The following TELO2 variants were observed in gnomAD, a reference collection of about 807,000 sequenced individuals.
TELO2 encodes telomere length regulation protein TEL2 homolog.
In TELO2, 71 loss-of-function variants were observed where a neutral mutation model predicts 91.0. That is an observed-to-expected ratio of 0.78 (90% CI 0.64 to 0.95). The LOEUF is 0.95. TELO2 is among the 40% of genes least tolerant of loss of function. TELO2 has a pLI of 0.00. For synonymous variants in TELO2, 584 were observed against 518.9 expected (o/e 1.13, Z -1.71); for missense variants, 1,183 against 1,141.3 (o/e 1.04, Z -0.53).
Position 1,505,434 on chromosome 16 carries a change from C to T in TELO2, c.1867C>T (p.Leu623=), listed in dbSNP as rs1251374860. The change falls in exon 16 of 21, where the codon CTG becomes TTG. Residue 623 remains leucine, a synonymous_variant. Coordinates refer to ENST00000262319, the MANE Select transcript of TELO2 (RefSeq NM_016111.4). The surrounding 1 kb of genome is among the most constrained non-coding windows in gnomAD (Gnocchi z 4.3). ...GGTGCTGACTCTGGCTGCCCAGGAG[C>T]TGTCTAGGCCTGGGTGCCTCGGGAG... is the stretch of plus-strand genomic sequence containing the variant. ...LDVLTLAAQE[L]SRPGCLGRTP... 7 of 1,611,858 alleles carry T rather than the reference C, an allele frequency of 4.3e-6. No homozygotes were observed. Among genetic ancestry groups the T allele is most frequent in the South Asian group, 3.3e-5 (3 of 91,058 alleles).
chr16:1,507,170 C>A, intron 18 of TELO2, 119 bp downstream of exon 18: 1 of 1,479,648 alleles, frequency 6.8e-7, no homozygotes, highest in South Asian at 1.3e-5. Context: ...TGTGGGCCCC[C>A]GGGCAGCGGG....
intron 3 of TELO2, among the ~76,000 whole-genome samples, chr16:1,496,718 G>T (rs942005204): frequency 5.9e-5 from 9 of 152,228 alleles, no homozygotes; most frequent in Non-Finnish European, 1.2e-4. Context: ...ACCCTGCGTG[G>T]CTGACCCAAC....
intron 15 of TELO2, among the ~76,000 whole-genome samples, chr16:1,503,872 C>T (rs911208018): frequency 6.6e-6 from 1 of 152,178 alleles, no homozygotes; most frequent in Admixed American, 6.5e-5. Flanking sequence ...CGGCTCATGC[C>T]TGTCATCCCA....
intron 3 of TELO2, among the ~76,000 whole-genome samples, chr16:1,496,484 C>A (rs1472653504): frequency 6.6e-6 from 1 of 152,266 alleles, no homozygotes; most frequent in African/African-American, 2.4e-5. Flanking sequence ...ATCTCGGACA[C>A]ATGTGGAATG....
At position 1,506,796 on chromosome 16, in the gene TELO2, C is replaced by T. The variant is rs540787571; in HGVS notation, c.2127-156C>T. 153 of 1,417,280 alleles carry T rather than the reference C, an allele frequency of 1.1e-4. No homozygotes were observed. The African/African-American group carries it at 1.5e-3, about 14-fold the overall frequency. The allele number at this position is 1,417,280 out of a possible 1,614,324, so 87.8% of individuals were successfully genotyped here. A position where few individuals can be genotyped will look rare whatever the true frequency, so the allele number is the denominator to read the frequency against. On this transcript the variant is annotated intron_variant, in intron 17 of 20. Coordinates refer to ENST00000262319, the MANE Select transcript of TELO2 (RefSeq NM_016111.4). ...CAGCCCTGCAGGGGGAGTAGGCACC[C>T]GGAAATGTCTGCTCCTACGATCTCG...
At chr16:1,501,967 G>C in intron 11 of TELO2, 80 bp from the exon 12 acceptor site, 1 of 1,583,618 alleles carries the variant, frequency 6.3e-7, no homozygotes, top group Non-Finnish European at 8.7e-7. Flanking sequence ...ATCTTGGGGA[G>C]GAGAGAGGGG....
chr16:1,500,843 G>A lies in TELO2; in HGVS notation c.1281+144G>A, dbSNP rs956147690. The A allele has an allele frequency of 1.5e-5, 21 of 1,374,348 alleles. No individual in the cohort carries two copies. The East Asian group carries it at 5.0e-4, about 33-fold the overall frequency. 85.1% of individuals were successfully genotyped at this position (1,374,348 alleles called of 1,614,324 possible). ...TGGACTTCTCGCAGGGCTGAGGCTG[G>A]AAGCTGTGGCAGGTTCTCAGCCCTG... On this transcript the variant is annotated intron_variant, in intron 9 of 20. Transcript: ENST00000262319.
At chr16:1,495,221 T>G in intron 2 of TELO2, 125 bp from the exon 3 acceptor site, 1 of 1,336,124 alleles carries the variant, frequency 7.5e-7, no homozygotes, top group Non-Finnish European at 1.0e-6. Context: ...GCTTGTGGTT[T>G]TGGACTTCAC....
In TELO2 at chr16:1,494,461, G is replaced by T. The variant is rs773834635; in HGVS notation, c.180G>T (p.Ser60=). 5 of 1,613,216 alleles carry T rather than the reference G, an allele frequency of 3.1e-6. No homozygotes were observed. The highest frequency in any genetic ancestry group is 1.3e-5 in the African/African-American group (1 of 74,892). ...AGGAGTTTGCCTCGGCCCACTTCTC[G>T]CCTGTCCTCAGATGTCTTGCCAGCA... ...EKEEFASAHF[S]PVLRCLASRL... Residue 60 remains serine (S), a synonymous_variant, in exon 2 of 21, where the codon TCG becomes TCT. Coordinates refer to ENST00000262319, the MANE Select transcript of TELO2 (RefSeq NM_016111.4). This position sits in a 1 kb window ranked among gnomAD's most constrained non-coding sequence, Gnocchi z 5.6.
intron 5 of TELO2, 36 bp from the exon 6 acceptor site, chr16:1,499,195 C>T (rs778937429): frequency 7.7e-5 from 124 of 1,609,468 alleles, no homozygotes; most frequent in Admixed American, 3.2e-4. Flanking sequence ...GTCTCCAGGC[C>T]GGCTTGCAGC....
intron 12 of TELO2, 79 bp downstream of exon 12, chr16:1,502,214 C>T: frequency 6.3e-7 from 1 of 1,587,342 alleles, no homozygotes; most frequent in East Asian, 2.3e-5. Context: ...CAAGGGGCCA[C>T]CGGGAAGCCC....
intron 13 of TELO2, 100 bp from the exon 14 acceptor site, chr16:1,502,545 G>A: frequency 2.0e-6 from 3 of 1,516,816 alleles, no homozygotes; most frequent in Non-Finnish European, 2.7e-6. Flanking sequence ...GCGGCCTGGG[G>A]CCTCTGCTGG....
At chr16:1,509,690 C>G in intron 20 of TELO2, 140 bp from the exon 21 acceptor site, 1 of 726,154 alleles carries the variant, frequency 1.4e-6, no homozygotes, top group Non-Finnish European at 2.3e-6. Context: ...TGGGGAGAGT[C>G]CGGGGTCACT....
Position 1,500,167 on chromosome 16 carries a change from A to T in TELO2, c.1002+3A>T. 1.2e-6 allele frequency: 2 copies of T among 1,602,002 alleles called. No individual in the cohort carries two copies. Among genetic ancestry groups the T allele is most frequent in the Non-Finnish European group, 1.7e-6 (2 of 1,177,814 alleles). Reference sequence around the variant, plus strand: ...AGCGGCGCCCGCTCCTGCTGCAGGTACGTGCCTCCTGGCTCTCCGTCCCTG... The same window carrying T: ...AGCGGCGCCCGCTCCTGCTGCAGGTTCGTGCCTCCTGGCTCTCCGTCCCTG... On this transcript the variant is annotated splice_donor_region_variant and intron_variant, in intron 7 of 20. Coordinates refer to ENST00000262319, the MANE Select transcript of TELO2 (RefSeq NM_016111.4).
rs1000772014 is a variant in TELO2, at chr16:1,498,696, A to T, written c.831-535A>T. On this transcript the variant is annotated intron_variant, in intron 5 of 20. Coordinates refer to ENST00000262319, the MANE Select transcript of TELO2 (RefSeq NM_016111.4). ...GTGATCCTCCTGCCTTGGCCTCCCA[A>T]ATGTTTTTTTAACCGTTATTTCTTT... Among the ~76,000 whole-genome samples the T allele has an allele frequency of 1.2e-4, 18 of 148,748 alleles. 1 individual carries two copies. In the Admixed American group the frequency reaches 1.2e-3, roughly 10 times the overall value.
In TELO2 at chr16:1,494,365, C is replaced by G; in HGVS notation, c.84C>G (p.Ile28Met). The part of the protein sequence containing the change: ...ALSSSEDGGH[I>M]FCTLESLKRY... ...CGTCTTCGGAGGATGGCGGCCACATCTTCTGCACCCTGGAGTCCCTGAAGC... is the reference window on the plus strand; with the variant it reads ...CGTCTTCGGAGGATGGCGGCCACATGTTCTGCACCCTGGAGTCCCTGAAGC... The change falls in exon 2 of 21, where the codon ATC (isoleucine) becomes ATG (methionine). Residue 28 changes from isoleucine to methionine, a missense_variant. Transcript: ENST00000262319. The surrounding 1 kb of genome is among the most constrained non-coding windows in gnomAD (Gnocchi z 5.6). 1 of 1,613,664 alleles carries G rather than the reference C, an allele frequency of 6.2e-7. No homozygotes were observed. Among genetic ancestry groups the G allele is most frequent in the Non-Finnish European group, 8.5e-7 (1 of 1,180,020 alleles).
rs1223023193 is a variant in TELO2 at position 1,500,356 on chromosome 16, G to T, written c.1012G>T (p.Glu338Ter). Residue 338 changes from glutamate to a stop codon, truncating the protein, a stop_gained, in exon 8 of 21, where the codon GAG (glutamate) becomes TAG (stop). Transcript: ENST00000262319. LOFTEE classifies it high-confidence loss of function. ...GCCATGCCACCTGCAGGTGCTGAAG[G>T]AGCTGTTGGAGACGTGGGGCAGCAG... ...RRPLLLQVLK[E>*]LLETWGSSSA... is the part of the protein sequence containing the mutation. The T allele has an allele frequency of 6.3e-7, 1 of 1,591,172 alleles. No individual in the cohort carries two copies. Among genetic ancestry groups the T allele is most frequent in the Non-Finnish European group, 8.5e-7 (1 of 1,171,072 alleles).
rs184673414 is a variant in TELO2, at chr16:1,496,062, C to A, written c.613+439C>A. On this transcript the variant is annotated intron_variant, in intron 3 of 20. Transcript: ENST00000262319. The stretch of plus-strand genomic sequence containing the variant: ...CTGCCGCGAGTGTGCGTTTCACTAG[C>A]GAGAAGGAGGCTGGGCCGGGGGCCT... Among the ~76,000 whole-genome samples the A allele has an allele frequency of 7.9e-3, 1,197 of 152,360 alleles. 6 individuals are homozygous for A. Among genetic ancestry groups the A allele is most frequent in the Non-Finnish European group, 0.013 (917 of 68,034 alleles).
Position 1,505,487 on chromosome 16 carries a change from C to T in TELO2, c.1920C>T (p.Pro640=), listed in dbSNP as rs2039857678. 6.2e-7 allele frequency: 1 copy of T among 1,613,138 alleles called. No individual in the cohort carries two copies. The highest frequency in any genetic ancestry group is 1.3e-5 in the African/African-American group (1 of 75,054). ...CTCCCCAACCTGGCTCCCCAAGTCCCAACACCCCGTGCCTGCCAGAGGCAG... is the reference window on the plus strand; with the variant it reads ...CTCCCCAACCTGGCTCCCCAAGTCCTAACACCCCGTGCCTGCCAGAGGCAG... ...GRTPQPGSPS[P]NTPCLPEAAV... is the part of the protein sequence containing the mutation. The change falls in exon 16 of 21, where the codon CCC becomes CCT. Residue 640 remains proline, a synonymous_variant. Transcript: ENST00000262319. This position sits in a 1 kb window ranked among gnomAD's most constrained non-coding sequence, Gnocchi z 4.3.
Sources: gnomAD v4.1 joint callset for allele counts (sites outside exome capture counted in the v4.1 genomes callset) on GRCh38, gnomAD v4.1.1 for gene constraint, Gnocchi (gnomAD v3.1) non-coding constraint, MANE v1.5 for transcripts, NCBI Gene and HGNC (gene_info 2026-07-23, HGNC 2026-07-21) for gene names.